NOP14: variants seen among roughly 807,000 people sequenced by gnomAD.
NOP14 encodes NOP14 nucleolar protein.
A neutral mutation model predicts 101.6 loss-of-function variants in NOP14; 57 were observed. The observed-to-expected ratio is 0.56, with a 90% CI of 0.45 to 0.70. NOP14 has a LOEUF of 0.70. Among genes scored for constraint, NOP14 ranks in the 30% least tolerant of loss-of-function variants. The pLI, the probability that NOP14 is intolerant of heterozygous loss-of-function variation, is 0.00. For missense variants in NOP14, 1,134 were observed against 1,075.5 expected (o/e 1.05, Z -0.76); for synonymous variants, 428 against 424.0 (o/e 1.01, Z -0.12).
rs760706789 is a variant in NOP14, at chr4:2,952,385, C to A, written c.760G>T (p.Asp254Tyr). ...AAGCCAAGCTCGCGAACCATCATGTCATATGCATCGGGCTAAGGTAGAAAG... is the reference window on the plus strand; with the variant it reads ...AAGCCAAGCTCGCGAACCATCATGTAATATGCATCGGGCTAAGGTAGAAAG... ...KKEKPKPDAY[D>Y]MMVRELGFEM... Residue 254 changes from aspartate to tyrosine, a missense_variant, in exon 6 of 18, where the codon GAC becomes TAC. Coordinates refer to ENST00000416614, the MANE Select transcript of NOP14 (RefSeq NM_001291978.2). The A allele has an allele frequency of 1.2e-6, 2 of 1,611,690 alleles. No homozygotes were observed. Among genetic ancestry groups the A allele is most frequent in the South Asian group, 2.2e-5 (2 of 90,738 alleles).
chr4:2,946,828 G>T, intron 10 of NOP14: 1 of 453,452 alleles, frequency 2.2e-6, no homozygotes, highest in Non-Finnish European at 4.0e-6. Flanking sequence ...GCAGCTGACA[G>T]CTCCAAGGCA....
intron 15 of NOP14, 149 bp from the exon 16 acceptor site, chr4:2,939,794 T>A: frequency 1.4e-6 from 1 of 704,072 alleles, no homozygotes; most frequent in Non-Finnish European, 2.6e-6. Flanking sequence ...CGCCTACCGG[T>A]GGGCGGGGGG....
In NOP14 at chr4:2,958,478, C is replaced by T. The variant is rs971843238; in HGVS notation, c.196-738G>A. Among the ~76,000 whole-genome samples the T allele has an allele frequency of 2.0e-5, 3 of 152,212 alleles. No individual in the cohort carries two copies. In the South Asian group the frequency reaches 6.2e-4, roughly 31 times the overall value. On this transcript the variant is annotated intron_variant, in intron 1 of 17. Transcript: ENST00000416614. Reference sequence around the variant, plus strand: ...GGAACTTCTTCTATTTGCTAAGGAACTGCCATTACACTGGTGTTTACACAG... The same window carrying T: ...GGAACTTCTTCTATTTGCTAAGGAATTGCCATTACACTGGTGTTTACACAG...
intron 7 of NOP14, chr4:2,950,739 C>CA (rs1386022291): frequency 5.0e-6 from 1 of 198,160 alleles, no homozygotes; most frequent in Non-Finnish European, 1.0e-5. Context: ...TGACATCACT[C>CA]AAAGAAAATT....
intron 14 of NOP14, chr4:2,941,965 T>G (rs1648722468): frequency 1.6e-6 from 1 of 635,008 alleles, no homozygotes; most frequent in Admixed American, 3.1e-5. Context: ...GGCGGCTCCA[T>G]TTTTGGTTCC....
chr4:2,958,318 A>G (rs1242649010), intron 1 of NOP14, among the ~76,000 whole-genome samples: 2 of 152,228 alleles, frequency 1.3e-5, no homozygotes, highest in Non-Finnish European at 2.9e-5. Context: ...AAAAAAGACC[A>G]AGTTTAACAG....
chr4:2,939,537 G>T lies in NOP14; in HGVS notation c.2308C>A (p.Leu770Met), dbSNP rs1331595773. ...GCTGCCAGCACCCACACTTTGACCA[G>T]CCGGGGTGTGAAAAGCTTCAGTGGG... ...PVPLKLFTPR[L>M]VKVLEFGRKQ... is the part of the protein sequence containing the mutation. Residue 770 changes from leucine to methionine, a missense_variant, in exon 16 of 18, where the codon CTG becomes ATG. By Grantham distance (15) the Leu-to-Met change is conservative (BLOSUM62 2). Coordinates refer to ENST00000416614, the MANE Select transcript of NOP14 (RefSeq NM_001291978.2). 9 of 1,613,694 alleles carry T rather than the reference G, an allele frequency of 5.6e-6. No homozygotes were observed. The highest frequency in any genetic ancestry group is 6.8e-6 in the Non-Finnish European group (8 of 1,179,836).
Position 2,951,927 on chromosome 4 carries a change from C to T in NOP14, c.870+348G>A, listed in dbSNP as rs573707084. ...GTTCAAGACCGCCTGGCCAACATGG[C>T]GAAATCCTATCTCTACTAAAAATAC... On this transcript the variant is annotated intron_variant, in intron 6 of 17. Transcript: ENST00000416614. Among the ~76,000 whole-genome samples the T allele has an allele frequency of 6.6e-5, 10 of 152,152 alleles. No homozygotes were observed. The South Asian group carries it at 1.7e-3, about 25-fold the overall frequency.
chr4:2,954,643 C>A, intron 3 of NOP14, 80 bp from the exon 4 acceptor site: 1 of 1,525,086 alleles, frequency 6.6e-7, no homozygotes, highest in Non-Finnish European at 8.8e-7. Context: ...TCTGCCAGTG[C>A]TTCCCCCATA....
chr4:2,949,291 C>T (rs772835716), intron 8 of NOP14, among the ~76,000 whole-genome samples: 11 of 152,128 alleles, frequency 7.2e-5, no homozygotes, highest in Non-Finnish European at 1.5e-4. Context: ...GCAACCTCCG[C>T]CTCCCAGGCT....
chr4:2,958,903 G>A (rs1715522461), intron 1 of NOP14, among the ~76,000 whole-genome samples: 1 of 152,220 alleles, frequency 6.6e-6, no homozygotes, highest in South Asian at 2.1e-4. Flanking sequence ...AGTGGAAGGG[G>A]TTAAGAAGCA....
chr4:2,939,600 G>A lies in NOP14; in HGVS notation c.2245C>T (p.Leu749Phe), dbSNP rs149423815. The A allele has an allele frequency of 7.0e-4, 1,137 of 1,613,936 alleles. 5 individuals carry two copies. The highest frequency in any genetic ancestry group is 4.9e-3 in the Middle Eastern group (30 of 6,062). The change falls in exon 16 of 18, where the codon CTC becomes TTC. Residue 749 changes from leucine to phenylalanine, a missense_variant. Physicochemically the swap from Leu to Phe is conservative, Grantham distance 22. Coordinates refer to ENST00000416614, the MANE Select transcript of NOP14 (RefSeq NM_001291978.2). ...TLTEMESQKQ[L>F]CRPLTCEKSK... ...TTCTCACAGGTCAGCGGCCGGCAGA[G>A]CTGCTTCTGGCTTTCCATTTCGGTC...
chr4:2,955,659 C>T (rs1450828847), intron 3 of NOP14, among the ~76,000 whole-genome samples: 1 of 152,268 alleles, frequency 6.6e-6, no homozygotes, highest in Non-Finnish European at 1.5e-5. Context: ...TACCTCCAGT[C>T]TCGGGGAATT....
At chr4:2,960,760 TTAA>T (rs1273590086) in intron 1 of NOP14, among the ~76,000 whole-genome samples, 6 of 85,678 alleles carry the variant, frequency 7.0e-5, no homozygotes, top group South Asian at 5.7e-4. Context: ...TATAATCACA[TTAA>T]TATTAATATA....
At chr4:2,942,966 G>A (rs1714330134) in intron 13 of NOP14, among the ~76,000 whole-genome samples, 1 of 152,198 alleles carries the variant, frequency 6.6e-6, no homozygotes, top group Admixed American at 6.5e-5. Flanking sequence ...AGGGGAAGGC[G>A]TGGGTCAGGC....
At chr4:2,939,146 G>A in intron 17 of NOP14, 42 bp downstream of exon 17, 1 of 1,611,318 alleles carries the variant, frequency 6.2e-7, no homozygotes. Flanking sequence ...CACCAAAGCT[G>A]AGTGACACCA....
Position 2,946,514 on chromosome 4 carries a change from T to A in NOP14, c.1533A>T (p.Glu511Asp), listed in dbSNP as rs773832680. Residue 511 changes from glutamate (E) to aspartate (D), a missense_variant, in exon 11 of 18, where the codon GAA (glutamate) becomes GAT (aspartate). By Grantham distance (45) the Glu-to-Asp change is conservative (BLOSUM62 2). Transcript: ENST00000416614. Reference sequence around the variant, plus strand: ...CAAATTTGATAGCGTCACTTGCAGATTCAGGAAACATCTGGCAAAGATGAT... The same window carrying A: ...CAAATTTGATAGCGTCACTTGCAGAATCAGGAAACATCTGGCAAAGATGAT... Reference protein sequence around the residue: ...HLYHLCQMFPESASDAIKFVL... With the variant: ...HLYHLCQMFPDSASDAIKFVL... 1 of 1,614,164 alleles carries A rather than the reference T, an allele frequency of 6.2e-7. No homozygotes were observed. Among genetic ancestry groups the A allele is most frequent in the South Asian group, 1.1e-5 (1 of 91,082 alleles).
At position 2,941,679 on chromosome 4, in the gene NOP14, A is replaced by C. The variant is rs769656171; in HGVS notation, c.2102T>G (p.Met701Arg). Residue 701 changes from methionine (M) to arginine (R), a missense_variant, in exon 15 of 18, where the codon ATG (methionine) becomes AGG (arginine). Coordinates refer to ENST00000416614, the MANE Select transcript of NOP14 (RefSeq NM_001291978.2). ...GTGGAAGGATGGCAGGGACCCGTACATGAGCACGCAGCGCTTCAGCAGGGC... is the reference window on the plus strand; with the variant it reads ...GTGGAAGGATGGCAGGGACCCGTACCTGAGCACGCAGCGCTTCAGCAGGGC... ...GLALLKRCVL[M>R]YGSLPSFHAI... The C allele has an allele frequency of 1.2e-6, 2 of 1,613,290 alleles. No homozygotes were observed. The highest frequency in any genetic ancestry group is 1.7e-6 in the Non-Finnish European group (2 of 1,179,906).
At chr4:2,946,878 T>TTTA (rs1411583695) in intron 10 of NOP14, 1 of 325,992 alleles carries the variant, frequency 3.1e-6, no homozygotes, top group Non-Finnish European at 5.8e-6. Flanking sequence ...GACAGGTACT[T>TTTA]CTTTGATAGT....
Sources: gnomAD v4.1 joint callset for allele counts (sites outside exome capture counted in the v4.1 genomes callset) on GRCh38, gnomAD v4.1.1 for gene constraint, MANE v1.5 for transcripts, NCBI Gene and HGNC (gene_info 2026-07-23, HGNC 2026-07-21) for gene names.